XXYLT1: variants seen among roughly 807,000 people sequenced by gnomAD.
XXYLT1 encodes the protein xyloside xylosyltransferase 1.
Under a neutral mutation model 28.9 loss-of-function variants are expected in XXYLT1, and 20 were observed. The ratio of observed to expected loss-of-function variants is 0.69; its 90% confidence interval spans 0.49 to 1.00. XXYLT1 has a LOEUF of 1.00. Among genes scored for constraint, XXYLT1 ranks in the 50% least tolerant of loss-of-function variants. XXYLT1 has a pLI of 0.00. For missense variants in XXYLT1, 542 were observed against 560.1 expected (o/e 0.97, Z 0.33); for synonymous variants, 257 against 253.8 (o/e 1.01, Z -0.12).
intron 3 of XXYLT1, among the ~76,000 whole-genome samples, chr3:195,099,869 A>C (rs1024285814): frequency 2.6e-5 from 4 of 151,514 alleles, no homozygotes; most frequent in Admixed American, 2.0e-4. Context: ...ACTATATTTG[A>C]ATCTTGTTCA....
intron 3 of XXYLT1, among the ~76,000 whole-genome samples, chr3:195,153,375 G>A (rs936599234): frequency 3.9e-5 from 6 of 152,182 alleles, no homozygotes; most frequent in African/African-American, 1.2e-4. Flanking sequence ...AGCCAGCGGG[G>A]CACGCGGCAG....
At chr3:195,259,106 C>T (rs1398745999) in intron 1 of XXYLT1, among the ~76,000 whole-genome samples, 1 of 152,250 alleles carries the variant, frequency 6.6e-6, no homozygotes, top group South Asian at 2.1e-4. Context: ...GTTATCCCGG[C>T]AGCACAGCTG....
chr3:195,233,623 C>T (rs1287099340), intron 1 of XXYLT1, among the ~76,000 whole-genome samples: 2 of 152,102 alleles, frequency 1.3e-5, no homozygotes, highest in African/African-American at 2.4e-5. Context: ...TACTAAAAAA[C>T]AAGCAAAAAG....
At chr3:195,131,624 A>AAACTGAG (rs1358565970) in intron 3 of XXYLT1, among the ~76,000 whole-genome samples, 2 of 152,198 alleles carry the variant, frequency 1.3e-5, no homozygotes, top group African/African-American at 2.4e-5. Flanking sequence ...GCAACAGTTC[A>AAACTGAG]AACTGAGAAC....
rs925268655 is a variant in XXYLT1 at position 195,210,387 on chromosome 3, C to G, written c.652+16322G>C. ...AGGACTGCTGTCGTGCCCCAGTGCC[C>G]TGAACACAGTGGGCAGGAGGACGGA... On this transcript the variant is annotated intron_variant, in intron 2 of 3. Transcript: ENST00000310380. The surrounding 1 kb of genome is among the most constrained non-coding windows in gnomAD (Gnocchi z 4.8). Among the ~76,000 whole-genome samples the G allele has an allele frequency of 6.6e-6, 1 of 152,192 alleles. No individual in the cohort carries two copies. The highest frequency in any genetic ancestry group is 2.4e-5 in the African/African-American group (1 of 41,454).
intron 2 of XXYLT1, chr3:195,184,853 C>T: frequency 9.2e-6 from 9 of 977,226 alleles, no homozygotes; most frequent in Non-Finnish European, 1.1e-5. Context: ...TCATCTTTAC[C>T]AATAAAATGG....
chr3:195,158,052 A>G (rs1720694284), intron 2 of XXYLT1, among the ~76,000 whole-genome samples: 1 of 152,220 alleles, frequency 6.6e-6, no homozygotes, highest in African/African-American at 2.4e-5. Flanking sequence ...AGGCAATTTA[A>G]GGAACTTGGG....
intron 2 of XXYLT1, among the ~76,000 whole-genome samples, chr3:195,203,776 G>A (rs749552127): frequency 2.0e-5 from 3 of 152,168 alleles, no homozygotes; most frequent in Non-Finnish European, 2.9e-5. Context: ...CATGCTGATG[G>A]GGCTGTGAGG....
rs1182268323 is a variant in XXYLT1, at chr3:195,143,797, TATAGATAG to T, written c.785+12644_785+12651del. ...AATGTTCTCTCATTATATATATATA[TATAGATAG>T]ATATATATAGATATAGATATATATA... On this transcript the variant is annotated intron_variant, in intron 3 of 3. Coordinates refer to ENST00000310380, the MANE Select transcript of XXYLT1 (RefSeq NM_152531.5). Among the ~76,000 whole-genome samples, 442 of 107,128 alleles carry T rather than the reference TATAGATAG, an allele frequency of 4.1e-3. 32 individuals carry two copies. Among genetic ancestry groups the T allele is most frequent in the African/African-American group, 0.015 (430 of 28,420 alleles). The allele number at this position is 107,128 out of a possible 152,430, so 70.3% of individuals were successfully genotyped here. A position where few individuals can be genotyped will look rare whatever the true frequency, so the allele number is the denominator to read the frequency against.
chr3:195,092,990 A>T (rs1321406737), intron 3 of XXYLT1, among the ~76,000 whole-genome samples: 1 of 105,196 alleles, frequency 9.5e-6, no homozygotes, highest in Non-Finnish European at 1.8e-5. Context: ...ATACCATCTC[A>T]CACCAGTTAG....
chr3:195,204,186 TACA>T (rs1158806128), intron 2 of XXYLT1, among the ~76,000 whole-genome samples: 1 of 151,540 alleles, frequency 6.6e-6, no homozygotes, highest in Non-Finnish European at 1.5e-5. Context: ...CTACTAAACA[TACA>T]AAGATTAGCC....
In XXYLT1 at chr3:195,150,431, C is replaced by A. The variant is rs1383425421; in HGVS notation, c.785+6018G>T. ...CCTTGGAGTGGGATGACGCAGCCTG[C>A]AGAGAAGCTTTCCTTCCGAGCGTCT... On this transcript the variant is annotated intron_variant, in intron 3 of 3. Transcript: ENST00000310380. The surrounding 1 kb of genome is among the most constrained non-coding windows in gnomAD (Gnocchi z 4.7). Among the ~76,000 whole-genome samples the A allele has an allele frequency of 2.0e-5, 3 of 152,198 alleles. No homozygotes were observed. Among genetic ancestry groups the A allele is most frequent in the Admixed American group, 6.5e-5 (1 of 15,282 alleles).
intron 1 of XXYLT1, among the ~76,000 whole-genome samples, chr3:195,229,997 C>A (rs545999946): frequency 6.6e-6 from 1 of 152,212 alleles, no homozygotes; most frequent in South Asian, 2.1e-4. Context: ...TAATTCACAC[C>A]AACAGTATAT....
chr3:195,197,596 G>C (rs979806608), intron 2 of XXYLT1, among the ~76,000 whole-genome samples: 4 of 152,164 alleles, frequency 2.6e-5, no homozygotes, highest in Admixed American at 6.5e-5. Flanking sequence ...ATGTTCACAA[G>C]CATCATAGTA....
intron 2 of XXYLT1, among the ~76,000 whole-genome samples, chr3:195,158,300 C>T (rs573165776): frequency 6.6e-6 from 1 of 152,324 alleles, no homozygotes; most frequent in South Asian, 2.1e-4. Flanking sequence ...TGGTCATGGC[C>T]ACCCGCGTAC....
chr3:195,127,125 A>C (rs1170806163), intron 3 of XXYLT1, among the ~76,000 whole-genome samples: 2 of 152,180 alleles, frequency 1.3e-5, no homozygotes, highest in African/African-American at 4.8e-5. Context: ...GCGTTCTAGA[A>C]GAGTCTTCGC....
At chr3:195,254,232 G>A (rs749941548) in intron 1 of XXYLT1, among the ~76,000 whole-genome samples, 4 of 152,214 alleles carry the variant, frequency 2.6e-5, no homozygotes, top group African/African-American at 4.8e-5. Flanking sequence ...GCCCCACCCT[G>A]CACTGACCAC....
intron 3 of XXYLT1, among the ~76,000 whole-genome samples, chr3:195,110,439 A>AGGTGGTGTAAAGTGTGTGGTGTGTTG (rs1173985886): frequency 1.3e-4 from 1 of 7,830 alleles, no homozygotes; most frequent in Non-Finnish European, 2.6e-4. Context: ...GTGCGTGTGT[A>AGGTGGTGTAAAGTGTGTGGTGTGTTG]TGTGGTGTAA....
intron 2 of XXYLT1, among the ~76,000 whole-genome samples, chr3:195,223,069 CA>C (rs369493263): frequency 0.037 from 4,951 of 135,232 alleles, 237 homozygotes; most frequent in African/African-American, 0.11. Flanking sequence ...ACTAAAAATA[CA>C]AAAAAAAAAA....
Sources: allele counts gnomAD v4.1 joint callset (sites outside exome capture counted in the v4.1 genomes callset), GRCh38; gene constraint gnomAD v4.1.1; non-coding constraint Gnocchi (gnomAD v3.1); transcripts MANE v1.5; gene names NCBI Gene and HGNC (gene_info 2026-07-23, HGNC 2026-07-21).